The following KIF13B variants were observed in gnomAD, a reference collection of about 807,000 sequenced individuals.
KIF13B encodes kinesin family member 13B.
In KIF13B, 127 loss-of-function variants were observed where a neutral mutation model predicts 222.0. The observed-to-expected ratio is 0.57, with a 90% CI of 0.50 to 0.66. KIF13B has a LOEUF of 0.66. Ranked by LOEUF, KIF13B falls within the 30% of genes least tolerant of loss-of-function variation. The pLI is 0.00. For synonymous variants in KIF13B, 976 were observed against 919.0 expected, an observed-to-expected ratio of 1.06 and a Z score of -1.12; for missense variants, 2,173 against 2,379.0, an observed-to-expected ratio of 0.91 and a Z score of 1.80.
chr8:29,172,324 C>T (rs370101030), intron 10 of KIF13B, among the ~76,000 whole-genome samples: 6 of 152,164 alleles, frequency 3.9e-5, no homozygotes, highest in South Asian at 4.1e-4. Context: ...CCTGGCGATC[C>T]GCCTGCCTCG....
At chr8:29,103,085 A>C (rs1808871035) in intron 35 of KIF13B, among the ~76,000 whole-genome samples, 1 of 152,038 alleles carries the variant, frequency 6.6e-6, no homozygotes, top group Non-Finnish European at 1.5e-5. Context: ...TACTAAAAAT[A>C]CAAAAAATTA....
Position 29,224,153 on chromosome 8 carries a change from G to A in KIF13B, c.149+21193C>T, listed in dbSNP as rs559669445. Among the ~76,000 whole-genome samples the A allele has an allele frequency of 3.9e-3, 530 of 137,640 alleles. 7 individuals are homozygous for A. The highest frequency in any genetic ancestry group is 0.013 in the African/African-American group (504 of 37,662). The allele number at this position is 137,640 out of a possible 152,430, so 90.3% of individuals were successfully genotyped here. A position where few individuals can be genotyped will look rare whatever the true frequency, so the allele number is the denominator to read the frequency against. ...ACTACAGGCACCCGCCACCACGCCC[G>A]GCTAATTTTTGTGTGTGTGTGTATT... On this transcript the variant is annotated intron_variant, in intron 2 of 39. Coordinates refer to ENST00000524189, the MANE Select transcript of KIF13B (RefSeq NM_015254.4).
At chr8:29,109,769 C>T (rs937293196) in intron 33 of KIF13B, 149 bp downstream of exon 33, 4 of 802,286 alleles carry the variant, frequency 5.0e-6, no homozygotes, top group Admixed American at 2.9e-5. Flanking sequence ...ACAGAATGAC[C>T]CAATTACAAT....
At position 29,068,432 on chromosome 8, in the gene KIF13B, G is replaced by A. The variant is rs150467131; in HGVS notation, c.*2072C>T. On this transcript the variant is annotated 3_prime_UTR_variant, in exon 40 of 40. Coordinates refer to ENST00000524189, the MANE Select transcript of KIF13B (RefSeq NM_015254.4). This position sits in a 1 kb window ranked among gnomAD's most constrained non-coding sequence, Gnocchi z 4.4. The stretch of plus-strand genomic sequence containing the variant: ...CCACAAGCTGACATTAGTCCGCACC[G>A]AGAAGCAAGAGTGAACAGGGCCTGG... 3.3e-5 allele frequency: 5 copies of A among 152,392 alleles called. No individual in the cohort carries two copies. The highest frequency in any genetic ancestry group is 2.1e-4 in the South Asian group (1 of 4,812). The allele number at this position is 152,392 out of a possible 1,614,324, so 9.4% of individuals were successfully genotyped here. A position where few individuals can be genotyped will look rare whatever the true frequency, so the allele number is the denominator to read the frequency against.
At chr8:29,081,329 G>T (rs1317910099) in intron 37 of KIF13B, among the ~76,000 whole-genome samples, 2 of 152,234 alleles carry the variant, frequency 1.3e-5, no homozygotes, top group Non-Finnish European at 2.9e-5. Flanking sequence ...CCAGCCACTG[G>T]TGGTGACCCA....
At chr8:29,166,134 C>T (rs1811989521) in intron 11 of KIF13B, among the ~76,000 whole-genome samples, 1 of 152,170 alleles carries the variant, frequency 6.6e-6, no homozygotes, top group Admixed American at 6.5e-5. Flanking sequence ...TTGATGACTT[C>T]AGGAATTTAT....
intron 24 of KIF13B, among the ~76,000 whole-genome samples, chr8:29,127,943 C>T (rs1810187719): frequency 6.6e-6 from 1 of 151,568 alleles, no homozygotes; most frequent in African/African-American, 2.4e-5. Context: ...TATAATGAAA[C>T]ACTATACAGT....
At chr8:29,251,328 C>T (rs1222212054) in intron 1 of KIF13B, among the ~76,000 whole-genome samples, 1 of 152,188 alleles carries the variant, frequency 6.6e-6, no homozygotes, top group African/African-American at 2.4e-5. Flanking sequence ...TTTGTAAAAA[C>T]AGCACTAAAG....
At position 29,084,486 on chromosome 8, in the gene KIF13B, C is replaced by T. The variant is rs554583174; in HGVS notation, c.4458+8259G>A. The stretch of plus-strand genomic sequence containing the variant: ...TACACAAGCCTTTATCTACCTACCA[C>T]ACGTGAGGCTATGTTGAAATAGGAG... On this transcript the variant is annotated intron_variant, in intron 37 of 39. Coordinates refer to ENST00000524189, the MANE Select transcript of KIF13B (RefSeq NM_015254.4). 1.1e-3 allele frequency among the ~76,000 whole-genome samples: 169 copies of T among 152,296 alleles called. 2 individuals are homozygous for T. The highest frequency in any genetic ancestry group is 3.7e-3 in the African/African-American group (154 of 41,560).
chr8:29,137,834 C>T (rs915691343), intron 21 of KIF13B, among the ~76,000 whole-genome samples: 3 of 152,152 alleles, frequency 2.0e-5, no homozygotes, highest in Non-Finnish European at 2.9e-5. Context: ...AACAAGAAAG[C>T]TACCCCAGTC....
chr8:29,199,222 A>G (rs1813577500), intron 2 of KIF13B, among the ~76,000 whole-genome samples: 1 of 152,180 alleles, frequency 6.6e-6, no homozygotes, highest in African/African-American at 2.4e-5. Context: ...TGGCTTTGTT[A>G]TAAACCTACA....
At chr8:29,127,086 T>C (rs1810145611) in intron 25 of KIF13B, 36 bp downstream of exon 25, 1 of 1,600,878 alleles carries the variant, frequency 6.2e-7, no homozygotes, top group Non-Finnish European at 8.5e-7. Flanking sequence ...TCTGATTTTG[T>C]CTTTCAAGAA....
chr8:29,144,826 T>C (rs1483310195), intron 18 of KIF13B, among the ~76,000 whole-genome samples: 2 of 152,222 alleles, frequency 1.3e-5, no homozygotes, highest in Non-Finnish European at 2.9e-5. Flanking sequence ...AATAGTCTGT[T>C]GCACGAAAGA....
At chr8:29,233,613 T>C (rs1815381309) in intron 2 of KIF13B, among the ~76,000 whole-genome samples, 1 of 152,366 alleles carries the variant, frequency 6.6e-6, no homozygotes, top group South Asian at 2.1e-4. Flanking sequence ...CACTCTTAAA[T>C]ATTAGTGAGG....
chr8:29,183,989 C>T (rs1812824593), intron 6 of KIF13B, among the ~76,000 whole-genome samples: 1 of 152,060 alleles, frequency 6.6e-6, no homozygotes, highest in Non-Finnish European at 1.5e-5. Flanking sequence ...AAGGAAATGA[C>T]TCTTAAATCT....
At chr8:29,084,201 C>T (rs1807939031) in intron 37 of KIF13B, among the ~76,000 whole-genome samples, 1 of 152,190 alleles carries the variant, frequency 6.6e-6, no homozygotes, top group Admixed American at 6.5e-5. Flanking sequence ...CAAGCGTGAG[C>T]CACCGCACCC....
chr8:29,148,365 A>C (rs1343817899), intron 16 of KIF13B, among the ~76,000 whole-genome samples: 1 of 152,068 alleles, frequency 6.6e-6, no homozygotes, highest in Non-Finnish European at 1.5e-5. Context: ...TAACATTTGA[A>C]AGTCCCCAAT....
intron 12 of KIF13B, among the ~76,000 whole-genome samples, chr8:29,163,729 T>C (rs911465098): frequency 6.6e-6 from 1 of 152,164 alleles, no homozygotes; most frequent in Non-Finnish European, 1.5e-5. Context: ...AGCTGTTGAA[T>C]AAAATCAGGC....
Position 29,147,461 on chromosome 8 carries a change from C to T in KIF13B, c.1955G>A (p.Arg652Gln), listed in dbSNP as rs778223174. The T allele has an allele frequency of 1.7e-5, 27 of 1,612,620 alleles. 1 individual carries two copies. The highest frequency in any genetic ancestry group is 7.7e-5 in the South Asian group (7 of 90,792). The change falls in exon 17 of 40, where the codon CGG becomes CAG. Residue 652 changes from arginine (R) to glutamine (Q), a missense_variant. Physicochemically the swap from Arg to Gln is conservative, Grantham distance 43 (BLOSUM62 1). This residue lies in a region of KIF13B where 1,480 missense variants were observed against 1,722.8 expected (regional missense o/e 0.86). Coordinates refer to ENST00000524189, the MANE Select transcript of KIF13B (RefSeq NM_015254.4). ...RRLSPEKQNC[R>Q]SMDRFSFHSP... ...GTGGAAAGAAAACCTGTCCATGCTC[C>T]GGCAGTTCTGCTTCTCAGGAGACAG...
Sources: allele counts gnomAD v4.1 joint callset (sites outside exome capture counted in the v4.1 genomes callset), GRCh38; gene constraint gnomAD v4.1.1; regional missense constraint gnomAD v4.1.1; non-coding constraint Gnocchi (gnomAD v3.1); transcripts MANE v1.5; gene names NCBI Gene and HGNC (gene_info 2026-07-23, HGNC 2026-07-21).